Variants in OSBPL6 observed in about 807,000 individuals in gnomAD.
The protein encoded by OSBPL6 is oxysterol-binding protein-related protein 6.
A neutral mutation model predicts 125.8 loss-of-function variants in OSBPL6; 49 were observed. The ratio of observed to expected loss-of-function variants is 0.39; its 90% CI spans 0.31 to 0.49. OSBPL6 has a LOEUF of 0.49. Among genes scored for constraint, OSBPL6 ranks in the 20% least tolerant of loss-of-function variants. The pLI is 0.88. For missense variants in OSBPL6, 986 were observed against 1,135.4 expected (o/e 0.87, Z 1.89); for synonymous variants, 394 against 391.8 (o/e 1.01, Z -0.07).
At chr2:178,244,604 C>T (rs1351446248) in intron 1 of OSBPL6, among the ~76,000 whole-genome samples, 2 of 152,134 alleles carry the variant, frequency 1.3e-5, no homozygotes, top group African/African-American at 4.8e-5. Flanking sequence ...TAGTAGGTAG[C>T]CTTCTCAACT....
Position 178,383,050 on chromosome 2 carries a change from G to A in OSBPL6, c.1648G>A (p.Ala550Thr). The A allele has an allele frequency of 1.2e-6, 2 of 1,614,176 alleles. No homozygotes were observed. The highest frequency in any genetic ancestry group is 3.3e-5 in the Admixed American group (2 of 60,014). The change falls in exon 17 of 25, where the codon GCC (alanine) becomes ACC (threonine). Residue 550 changes from alanine to threonine, a missense_variant. This residue lies in a region of OSBPL6 where 843 missense variants were observed against 997.3 expected (regional missense o/e 0.85). Transcript: ENST00000190611. ...CCTGAATGGGGAGCTTACAGGAGGG[G>A]CCTTCCGAAATGGGCGTCGAGCATG... The part of the protein sequence containing the change: ...QILNGELTGG[A>T]FRNGRRACLP...
chr2:178,308,511 G>A (rs1686982688), intron 3 of OSBPL6, among the ~76,000 whole-genome samples: 1 of 152,182 alleles, frequency 6.6e-6, no homozygotes. Context: ...CTAGCACATA[G>A]CTGAGAATAC....
At chr2:178,373,258 A>G (rs1173217518) in intron 14 of OSBPL6, among the ~76,000 whole-genome samples, 2 of 152,194 alleles carry the variant, frequency 1.3e-5, no homozygotes, top group Non-Finnish European at 2.9e-5. Flanking sequence ...TTCAAAAATA[A>G]TTTGATAATC....
intron 13 of OSBPL6, among the ~76,000 whole-genome samples, chr2:178,366,117 C>T (rs1484306566): frequency 6.6e-6 from 1 of 152,194 alleles, no homozygotes; most frequent in Non-Finnish European, 1.5e-5. Context: ...GTCTCGAACT[C>T]GTGGCCTCAA....
At chr2:178,304,428 C>CA (rs1227548633) in intron 2 of OSBPL6, among the ~76,000 whole-genome samples, 1 of 152,156 alleles carries the variant, frequency 6.6e-6, no homozygotes, top group Non-Finnish European at 1.5e-5. Context: ...AAGCCCCTTA[C>CA]AAAACCATCA....
At chr2:178,227,589 G>A (rs1330401545) in intron 1 of OSBPL6, among the ~76,000 whole-genome samples, 2 of 152,192 alleles carry the variant, frequency 1.3e-5, no homozygotes, top group Non-Finnish European at 2.9e-5. Context: ...CTGTGGTATA[G>A]TCATCCAATG....
At chr2:178,264,831 G>T (rs2092178060) in intron 1 of OSBPL6, among the ~76,000 whole-genome samples, 1 of 151,734 alleles carries the variant, frequency 6.6e-6, no homozygotes, top group Non-Finnish European at 1.5e-5. Flanking sequence ...ATTCACGTGT[G>T]TTTCTATAAA....
intron 12 of OSBPL6, among the ~76,000 whole-genome samples, chr2:178,353,310 G>C (rs537104763): frequency 1.3e-5 from 2 of 152,340 alleles, no homozygotes; most frequent in South Asian, 4.1e-4. Flanking sequence ...AGTTAAAGGA[G>C]CATGTTCTAA....
chr2:178,354,787 C>A (rs1001054210), intron 12 of OSBPL6, among the ~76,000 whole-genome samples: 1 of 152,146 alleles, frequency 6.6e-6, no homozygotes, highest in East Asian at 1.9e-4. Context: ...AATATATATT[C>A]TTCTCAGCAC....
At chr2:178,349,490 T>C (rs1436332531) in intron 12 of OSBPL6, 101 bp downstream of exon 12, 2 of 1,391,912 alleles carry the variant, frequency 1.4e-6, no homozygotes, top group Non-Finnish European at 2.0e-6. Context: ...GATAGAAAGA[T>C]TAAATGGTTG....
chr2:178,316,295 A>G (rs1687731619), intron 3 of OSBPL6, among the ~76,000 whole-genome samples: 1 of 152,216 alleles, frequency 6.6e-6, no homozygotes, highest in African/African-American at 2.4e-5. Flanking sequence ...GGGACCCAGT[A>G]ACTCAGCTTC....
intron 2 of OSBPL6, among the ~76,000 whole-genome samples, chr2:178,288,084 T>G (rs1684881717): frequency 6.6e-6 from 1 of 152,160 alleles, no homozygotes; most frequent in Non-Finnish European, 1.5e-5. Flanking sequence ...GACTCCCTTT[T>G]ATCATTTTTG....
chr2:178,383,071 G>A lies in OSBPL6; in HGVS notation c.1669G>A (p.Ala557Thr). 6.2e-7 allele frequency: 1 copy of A among 1,614,208 alleles called. No individual in the cohort carries two copies. Among genetic ancestry groups the A allele is most frequent in the Non-Finnish European group, 8.5e-7 (1 of 1,180,044 alleles). The change falls in exon 17 of 25, where the codon GCA (alanine) becomes ACA (threonine). Residue 557 changes from alanine (A) to threonine (T), a missense_variant. Around this residue, in one of 3 missense-constraint regions of OSBPL6, gnomAD observed 843 missense variants for 997.3 expected, o/e 0.85. Coordinates refer to ENST00000190611, the MANE Select transcript of OSBPL6 (RefSeq NM_032523.4). ...AGGGGCCTTCCGAAATGGGCGTCGA[G>A]CATGCCTGCCAGCTCCTTGTCCTGA... ...TGGAFRNGRR[A>T]CLPAPCPDTS...
At chr2:178,345,804 A>T (rs577318008) in intron 11 of OSBPL6, among the ~76,000 whole-genome samples, 75 of 152,326 alleles carry the variant, frequency 4.9e-4, no homozygotes, top group African/African-American at 1.7e-3. Context: ...CAGAGAAGTG[A>T]TTCTGTCTCT....
chr2:178,228,331 C>A (rs186505427), intron 1 of OSBPL6, among the ~76,000 whole-genome samples: 14 of 152,126 alleles, frequency 9.2e-5, no homozygotes, highest in Admixed American at 6.5e-4. Context: ...GTCAGGAGAT[C>A]GAGACCATCC....
chr2:178,209,437 TTC>T (rs1217155089), intron 1 of OSBPL6, among the ~76,000 whole-genome samples: 171 of 85,978 alleles, frequency 2.0e-3, no homozygotes, highest in African/African-American at 6.9e-3. Context: ...CTTTCTTTCT[TTC>T]TTTTTTTTTT....
chr2:178,372,869 G>A (rs1470887343), intron 14 of OSBPL6, among the ~76,000 whole-genome samples: 4 of 150,996 alleles, frequency 2.6e-5, no homozygotes, highest in Non-Finnish European at 4.4e-5. Flanking sequence ...AAGAGAATAG[G>A]AGAACATTCA....
chr2:178,298,865 G>C (rs1686011359), intron 2 of OSBPL6, among the ~76,000 whole-genome samples: 1 of 152,102 alleles, frequency 6.6e-6, no homozygotes, highest in African/African-American at 2.4e-5. Flanking sequence ...AGAAATGGTT[G>C]TTTTGACAGG....
chr2:178,252,456 C>A, intron 1 of OSBPL6, among the ~76,000 whole-genome samples: 1 of 151,506 alleles, frequency 6.6e-6, no homozygotes, highest in Non-Finnish European at 1.5e-5. Context: ...GGCCCACAGA[C>A]CATATTTTGT....
Sources: allele counts gnomAD v4.1 joint callset (sites outside exome capture counted in the v4.1 genomes callset), GRCh38; gene constraint gnomAD v4.1.1; regional missense constraint gnomAD v4.1.1; transcripts MANE v1.5; gene names NCBI Gene and HGNC (gene_info 2026-07-23, HGNC 2026-07-21).